OR3A2: variants seen among roughly 807,000 people sequenced by gnomAD.
The protein encoded by OR3A2 is olfactory receptor 3A2.
For missense variants in OR3A2, 318 were observed against 392.8 expected, an observed-to-expected ratio of 0.81 and a Z score of 1.61; for synonymous variants, 126 against 159.3, an observed-to-expected ratio of 0.79 and a Z score of 1.57.
chr17:3,298,704 C>T lies in OR3A2; in HGVS notation c.-84-19551G>A, dbSNP rs1203067750. Reference sequence around the variant, plus strand: ...CTATTATTAGGGAGCAGAAGGGGGCCCCCGGAGAGTCCTCACCTCGTTGTG... The same window carrying T: ...CTATTATTAGGGAGCAGAAGGGGGCTCCCGGAGAGTCCTCACCTCGTTGTG... On this transcript the variant is annotated intron_variant, in intron 3 of 4. Coordinates refer to the OR3A2 transcript ENST00000573491. 2.6e-5 allele frequency among the ~76,000 whole-genome samples: 4 copies of T among 152,246 alleles called. No individual in the cohort carries two copies. The East Asian group carries it at 5.8e-4, about 22-fold the overall frequency.
rs184259579 is a variant in OR3A2, at chr17:3,382,973, A to C, written c.-179+831T>G. On this transcript the variant is annotated intron_variant, in intron 2 of 4. Coordinates refer to the OR3A2 transcript ENST00000573491. ...TAAAGGCACTCAATAAAGGGGCATG[A>C]ATTGTACGGCTGAGCCATCATACGG... is the stretch of plus-strand genomic sequence containing the variant. Among the ~76,000 whole-genome samples, 6 of 152,306 alleles carry C rather than the reference A, an allele frequency of 3.9e-5. No homozygotes were observed. In the East Asian group the frequency reaches 1.2e-3, roughly 29 times the overall value.
At chr17:3,323,467 A>C (rs147974558) in intron 3 of OR3A2, among the ~76,000 whole-genome samples, 2,341 of 152,036 alleles carry the variant, frequency 0.015, 82 homozygotes, top group African/African-American at 0.053. Flanking sequence ...GGTCTTTATA[A>C]TTTGGCACGT....
intron 1 of OR3A2, among the ~76,000 whole-genome samples, chr17:3,283,450 C>T (rs9900953): frequency 0.18 from 27,534 of 152,138 alleles, 3,110 homozygotes; most frequent in African/African-American, 0.3. Flanking sequence ...GTCTCGAACT[C>T]CTGACCTCAG....
chr17:3,296,858 T>C (rs9891396), intron 3 of OR3A2, among the ~76,000 whole-genome samples: 2,143 of 152,178 alleles, frequency 0.014, 35 homozygotes, highest in African/African-American at 0.048. Context: ...AATGGAAAAA[T>C]TGTGTTAAAC....
At chr17:3,341,850 G>C (rs1264081426) in intron 2 of OR3A2, among the ~76,000 whole-genome samples, 2 of 152,190 alleles carry the variant, frequency 1.3e-5, no homozygotes, top group African/African-American at 4.8e-5. Context: ...ATAATATCTT[G>C]AAGAGTGTTT....
At chr17:3,292,176 C>T in intron 3 of OR3A2, 1 of 1,614,138 alleles carries the variant, frequency 6.2e-7, no homozygotes, top group South Asian at 1.1e-5. Flanking sequence ...CATGCGGGTG[C>T]TGTAGGTGAG....
chr17:3,355,823 T>C (rs1031121684), intron 2 of OR3A2, among the ~76,000 whole-genome samples: 1 of 151,462 alleles, frequency 6.6e-6, no homozygotes, highest in African/African-American at 2.4e-5. Context: ...AAAGTTATTA[T>C]TAAGTAGGGA....
chr17:3,323,946 A>C (rs1330159289), intron 3 of OR3A2, among the ~76,000 whole-genome samples: 4 of 152,124 alleles, frequency 2.6e-5, no homozygotes, highest in Non-Finnish European at 5.9e-5. Flanking sequence ...AATATCCTGC[A>C]CAGTGTTTTC....
intron 2 of OR3A2, among the ~76,000 whole-genome samples, chr17:3,371,782 C>T (rs1257978854): frequency 7.4e-5 from 10 of 134,568 alleles, no homozygotes; most frequent in African/African-American, 1.7e-4. Context: ...CGGGCAGAGG[C>T]GCCCCTCACC....
chr17:3,383,657 A>G (rs1251919693), intron 2 of OR3A2: 3 of 152,180 alleles, frequency 2.0e-5, no homozygotes, highest in Admixed American at 6.5e-5. Context: ...GAGGGGTGCC[A>G]AGGTCCTGGC....
chr17:3,342,320 C>A (rs1036796853), intron 2 of OR3A2, among the ~76,000 whole-genome samples: 1 of 152,212 alleles, frequency 6.6e-6, no homozygotes, highest in Non-Finnish European at 1.5e-5. Context: ...TGGCGAGGAG[C>A]TGCAATCCTT....
chr17:3,293,591 A>T (rs1170540350), intron 3 of OR3A2, among the ~76,000 whole-genome samples: 1 of 152,212 alleles, frequency 6.6e-6, no homozygotes, highest in Non-Finnish European at 1.5e-5. Context: ...GGATTCTACA[A>T]GAAAAAAGAG....
At chr17:3,371,969 C>G (rs1481845420) in intron 2 of OR3A2, among the ~76,000 whole-genome samples, 106 of 148,348 alleles carry the variant, frequency 7.1e-4, no homozygotes, top group African/African-American at 2.4e-3. Context: ...CAGGCGGAGA[C>G]GCTCCTCACT....
intron 2 of OR3A2, among the ~76,000 whole-genome samples, chr17:3,363,291 T>C (rs993299119): frequency 4.6e-5 from 7 of 151,884 alleles, no homozygotes; most frequent in African/African-American, 9.7e-5. Context: ...CTAGGTCGCA[T>C]CTTGAATGCT....
At chr17:3,342,535 T>C (rs2049327807) in intron 2 of OR3A2, among the ~76,000 whole-genome samples, 2 of 152,246 alleles carry the variant, frequency 1.3e-5, no homozygotes, top group South Asian at 4.1e-4. Flanking sequence ...GCTGCAGGTC[T>C]GTTAGAGTTT....
chr17:3,372,212 C>A, intron 2 of OR3A2, among the ~76,000 whole-genome samples: 1 of 150,048 alleles, frequency 6.7e-6, no homozygotes, highest in Non-Finnish European at 1.5e-5. Flanking sequence ...GCGCTCCCCA[C>A]ATCTCAGACG....
chr17:3,336,670 C>T (rs1383312274), intron 2 of OR3A2, among the ~76,000 whole-genome samples: 1 of 151,990 alleles, frequency 6.6e-6, no homozygotes, highest in African/African-American at 2.4e-5. Context: ...AAGATGTATC[C>T]AAATCTTACA....
chr17:3,362,450 C>T (rs924138926), intron 2 of OR3A2, among the ~76,000 whole-genome samples: 3 of 151,572 alleles, frequency 2.0e-5, no homozygotes, highest in South Asian at 2.1e-4. Flanking sequence ...TATTTCTTGC[C>T]TTCTGCTAGC....
At chr17:3,354,527 G>A (rs2049448027) in intron 2 of OR3A2, among the ~76,000 whole-genome samples, 1 of 151,296 alleles carries the variant, frequency 6.6e-6, no homozygotes, top group Non-Finnish European at 1.5e-5. Flanking sequence ...TATGTGTCTA[G>A]ATTTTTGAAT....
Sources: allele counts gnomAD v4.1 joint callset (sites outside exome capture counted in the v4.1 genomes callset), GRCh38; gene constraint gnomAD v4.1.1; transcripts MANE v1.5; gene names NCBI Gene and HGNC (gene_info 2026-07-23, HGNC 2026-07-21).